The following MMP28 variants were observed in gnomAD, a reference collection of about 807,000 sequenced individuals.
MMP28 encodes matrix metalloproteinase-28.
In MMP28, 55 loss-of-function variants were observed where a neutral mutation model predicts 60.5. The observed-to-expected ratio is 0.91, with a 90% confidence interval of 0.73 to 1.14. MMP28 has a LOEUF of 1.14. Among genes scored for constraint, MMP28 ranks in the 50% most tolerant of loss-of-function variants. MMP28 has a pLI of 0.00. For synonymous variants in MMP28, 318 were observed against 312.5 expected, an observed-to-expected ratio of 1.02 and a Z score of -0.18; for missense variants, 686 against 738.3, an observed-to-expected ratio of 0.93 and a Z score of 0.82.
Position 35,795,619 on chromosome 17 carries a change from G to T in MMP28, c.-242C>A. 1 of 359,368 alleles carries T rather than the reference G, an allele frequency of 2.8e-6. No individual in the cohort carries two copies. Among genetic ancestry groups the T allele is most frequent in the Non-Finnish European group, 5.0e-6 (1 of 200,816 alleles). The allele number at this position is 359,368 out of a possible 1,614,324, so 22.3% of individuals were successfully genotyped here. A position where few individuals can be genotyped will look rare whatever the true frequency, so the allele number is the denominator to read the frequency against. ...GCAGTGCCTGCCCGCGGGTCCGCCG[G>T]CCCCGGGGACCGAGGGAGGGAGGAA... is the stretch of plus-strand genomic sequence containing the variant. On this transcript the variant is annotated 5_prime_UTR_variant, in exon 1 of 8. Coordinates refer to ENST00000605424, the MANE Select transcript of MMP28 (RefSeq NM_024302.5).
At chr17:35,774,986 T>C (rs1342157466) in intron 3 of MMP28, among the ~76,000 whole-genome samples, 2 of 152,130 alleles carry the variant, frequency 1.3e-5, no homozygotes, top group Non-Finnish European at 2.9e-5. Context: ...TCCATTAGCA[T>C]AGTGTGAGAT....
chr17:35,792,140 A>G (rs952859383), intron 1 of MMP28, among the ~76,000 whole-genome samples: 2 of 152,026 alleles, frequency 1.3e-5, no homozygotes. Context: ...AGTATCTCCC[A>G]TTCCCACGTT....
chr17:35,781,003 G>A (rs554120230), intron 1 of MMP28, among the ~76,000 whole-genome samples: 15 of 152,326 alleles, frequency 9.8e-5, no homozygotes, highest in South Asian at 8.3e-4. Flanking sequence ...AGAATGAGAA[G>A]CTTGCCATGC....
chr17:35,763,438 CTTT>C (rs782005643), downstream of MMP28, among the ~76,000 whole-genome samples: 5 of 101,508 alleles, frequency 4.9e-5, no homozygotes, highest in African/African-American at 1.2e-4. Flanking sequence ...CCATGCCCAG[CTTT>C]TTTTTTTTTT....
downstream of MMP28, chr17:35,764,493 T>A (rs781787644): frequency 6.3e-7 from 1 of 1,581,362 alleles, no homozygotes; most frequent in Non-Finnish European, 8.6e-7. Flanking sequence ...CCGCGGGGGC[T>A]GTGCTTGCTG....
At position 35,766,950 on chromosome 17, in the gene MMP28, T is replaced by C. The variant is rs2085963864; in HGVS notation, c.1169-56A>G. The C allele has an allele frequency of 2.8e-5, 41 of 1,489,406 alleles. 1 individual carries two copies. In the South Asian group the frequency reaches 4.2e-4, roughly 15 times the overall value. 92.3% of individuals were successfully genotyped at this position (1,489,406 alleles called of 1,614,324 possible). On this transcript the variant is annotated intron_variant, in intron 7 of 7. Coordinates refer to ENST00000605424, the MANE Select transcript of MMP28 (RefSeq NM_024302.5). The surrounding 1 kb of genome is among the most constrained non-coding windows in gnomAD (Gnocchi z 4.3). Reference sequence around the variant, plus strand: ...TGGAGGCTGTCACCCATTGGCCCTCTACCCCACTTCTGTCCCCCATACCTC... The same window carrying C: ...TGGAGGCTGTCACCCATTGGCCCTCCACCCCACTTCTGTCCCCCATACCTC...
chr17:35,775,797 C>G (rs957438622), intron 3 of MMP28, among the ~76,000 whole-genome samples: 1 of 152,222 alleles, frequency 6.6e-6, no homozygotes, highest in African/African-American at 2.4e-5. Flanking sequence ...CCCCAACCTC[C>G]GCCAGCTTAG....
intron 1 of MMP28, among the ~76,000 whole-genome samples, chr17:35,785,314 T>G (rs2086615928): frequency 6.6e-6 from 1 of 152,180 alleles, no homozygotes; most frequent in African/African-American, 2.4e-5. Context: ...GTCTGCATCA[T>G]TGAACTGGCA....
At chr17:35,788,660 G>C (rs771730996) in intron 1 of MMP28, among the ~76,000 whole-genome samples, 13 of 152,124 alleles carry the variant, frequency 8.5e-5, no homozygotes, top group Non-Finnish European at 1.5e-4. Context: ...GCATCTGGGG[G>C]TGGATACTCC....
In MMP28 at chr17:35,795,273, C is replaced by T; in HGVS notation, c.105G>A (p.Glu35=). Residue 35 remains glutamate (E), a synonymous_variant, in exon 1 of 8, where the codon GAG becomes GAA. Coordinates refer to ENST00000605424, the MANE Select transcript of MMP28 (RefSeq NM_024302.5). ...AERGGQELRK[E]AEAFLEKYGY... ...CCAGGTACACACGGCGTACCTCCGC[C>T]TCCTTGCGCAGCTCCTGGCCTCCGC... The T allele has an allele frequency of 7.0e-7, 1 of 1,437,930 alleles. No homozygotes were observed. Among genetic ancestry groups the T allele is most frequent in the South Asian group, 1.4e-5 (1 of 69,462 alleles). The allele number at this position is 1,437,930 out of a possible 1,614,324, so 89.1% of individuals were successfully genotyped here.
Position 35,785,044 on chromosome 17 carries a change from T to C in MMP28, c.112-5721A>G, listed in dbSNP as rs146912303. Reference sequence around the variant, plus strand: ...TTGGTTAGGGCTGGGACCACTTTCCTGGGGAGTCACTTCTGAAAGTCCCTG... The same window carrying C: ...TTGGTTAGGGCTGGGACCACTTTCCCGGGGAGTCACTTCTGAAAGTCCCTG... On this transcript the variant is annotated intron_variant, in intron 1 of 7. Transcript: ENST00000605424. Among the ~76,000 whole-genome samples the C allele has an allele frequency of 1.1e-3, 160 of 152,268 alleles. 3 individuals carry two copies. The East Asian group carries it at 0.026, about 25-fold the overall frequency.
intron 1 of MMP28, among the ~76,000 whole-genome samples, chr17:35,788,527 A>G (rs532699282): frequency 1.2e-4 from 18 of 152,076 alleles, no homozygotes; most frequent in African/African-American, 4.3e-4. Context: ...CTGCACTTCT[A>G]TTCACCCTAT....
intron 3 of MMP28, among the ~76,000 whole-genome samples, chr17:35,776,295 C>T (rs984744918): frequency 1.3e-5 from 2 of 152,048 alleles, no homozygotes; most frequent in Non-Finnish European, 2.9e-5. Context: ...CCTCAGTCTC[C>T]CGAGTATCTG....
chr17:35,777,555 C>T (rs933500530), intron 3 of MMP28, among the ~76,000 whole-genome samples: 1 of 152,204 alleles, frequency 6.6e-6, no homozygotes, highest in African/African-American at 2.4e-5. Context: ...AAACTATGTG[C>T]CTTCTGTCCT....
chr17:35,778,734 T>C (rs988187712), intron 3 of MMP28, 154 bp downstream of exon 3: 30 of 1,484,150 alleles, frequency 2.0e-5, no homozygotes, highest in Admixed American at 1.8e-4. Flanking sequence ...ACAATCATGG[T>C]CCTCAAGCCA....
At chr17:35,784,619 A>G (rs536586469) in intron 1 of MMP28, among the ~76,000 whole-genome samples, 11 of 152,272 alleles carry the variant, frequency 7.2e-5, no homozygotes, top group Non-Finnish European at 1.3e-4. Context: ...GTGTGGGGTC[A>G]GGGTGGAGGA....
rs2086122926 is a variant in MMP28 at position 35,771,140 on chromosome 17, A to C, written c.605-828T>G. Among the ~76,000 whole-genome samples, 7 of 152,058 alleles carry C rather than the reference A, an allele frequency of 4.6e-5. No homozygotes were observed. In the South Asian group the frequency reaches 1.4e-3, roughly 31 times the overall value. On this transcript the variant is annotated intron_variant, in intron 4 of 7. Transcript: ENST00000605424. The stretch of plus-strand genomic sequence containing the variant: ...TAGCACGTAATAAGGGCCACTTAAG[A>C]ATTACTTTCAGGCTGGGTGCGGTGG...
At chr17:35,786,332 A>G (rs1026009064) in intron 1 of MMP28, among the ~76,000 whole-genome samples, 30 of 152,168 alleles carry the variant, frequency 2.0e-4, no homozygotes, top group Admixed American at 9.2e-4. Context: ...TGCTGAGATT[A>G]CAGGCGTGAG....
chr17:35,760,878 G>A, downstream of MMP28: 7 of 1,604,420 alleles, frequency 4.4e-6, no homozygotes, highest in Non-Finnish European at 6.0e-6. Flanking sequence ...AGTTCTATGG[G>A]TTCTGGGCAC....
Sources: gnomAD v4.1 joint callset for allele counts (sites outside exome capture counted in the v4.1 genomes callset) on GRCh38, gnomAD v4.1.1 for gene constraint, Gnocchi (gnomAD v3.1) non-coding constraint, MANE v1.5 for transcripts, NCBI Gene and HGNC (gene_info 2026-07-23, HGNC 2026-07-21) for gene names.